Variants in MLLT3 observed in about 807,000 individuals in gnomAD.
MLLT3 encodes MLLT3 super elongation complex subunit.
A neutral mutation model predicts 53.2 loss-of-function variants in MLLT3; 4 were observed. The ratio of observed to expected loss-of-function variants is 0.08; its 90% CI spans 0.04 to 0.17. The LOEUF is 0.17. Ranked by LOEUF, MLLT3 falls within the 10% of genes least tolerant of loss-of-function variation. MLLT3 has a pLI of 1.00. For synonymous variants in MLLT3, 283 were observed against 230.6 expected (o/e 1.23, Z -2.06); for missense variants, 569 against 684.0 (o/e 0.83, Z 1.87).
At position 20,620,927 on chromosome 9, in the gene MLLT3, G is replaced by A; in HGVS notation, c.13-93C>T. On this transcript the variant is annotated intron_variant, in intron 1 of 10. Coordinates refer to ENST00000380338, the MANE Select transcript of MLLT3 (RefSeq NM_004529.4). This position sits in a 1 kb window ranked among gnomAD's most constrained non-coding sequence, Gnocchi z 6.1. ...GCCTGACATTTTTTTCCTCCTTCTT[G>A]AAACGCACATAAAAGGAAACGGCGG... 1 of 1,370,036 alleles carries A rather than the reference G, an allele frequency of 7.3e-7. No homozygotes were observed. Among genetic ancestry groups the A allele is most frequent in the Non-Finnish European group, 1.0e-6 (1 of 979,234 alleles). The allele number at this position is 1,370,036 out of a possible 1,614,324, so 84.9% of individuals were successfully genotyped here.
intron 2 of MLLT3, among the ~76,000 whole-genome samples, chr9:20,502,089 A>T (rs928037263): frequency 1.7e-5 from 2 of 120,696 alleles, no homozygotes; most frequent in Non-Finnish European, 3.8e-5. Flanking sequence ...CTCAAAAAAA[A>T]AAAAGGGGGG....
At chr9:20,433,229 G>C (rs1357014780) in intron 4 of MLLT3, among the ~76,000 whole-genome samples, 1 of 152,074 alleles carries the variant, frequency 6.6e-6, no homozygotes, top group African/African-American at 2.4e-5. Flanking sequence ...AAATGAACTT[G>C]ACATATCTTT....
intron 2 of MLLT3, among the ~76,000 whole-genome samples, chr9:20,501,809 G>T (rs1479036262): frequency 6.7e-6 from 1 of 149,202 alleles, no homozygotes; most frequent in African/African-American, 2.5e-5. Flanking sequence ...GGTCAGGCGA[G>T]GTGGCTCAGA....
At chr9:20,597,942 G>C (rs1404455692) in intron 2 of MLLT3, among the ~76,000 whole-genome samples, 1 of 152,080 alleles carries the variant, frequency 6.6e-6, no homozygotes, top group Non-Finnish European at 1.5e-5. Flanking sequence ...AAATCAACCA[G>C]GTCCTGTTTC....
chr9:20,522,648 G>A (rs1818092566), intron 2 of MLLT3, among the ~76,000 whole-genome samples: 1 of 150,112 alleles, frequency 6.7e-6, no homozygotes, highest in Non-Finnish European at 1.5e-5. Flanking sequence ...AGAAAGAGTA[G>A]AGAAGAAAAT....
rs2118576521 is a variant in MLLT3, at chr9:20,345,245, CAAGTT to C, written c.*1193_*1197del. On this transcript the variant is annotated 3_prime_UTR_variant, in exon 11 of 11. Coordinates refer to ENST00000380338, the MANE Select transcript of MLLT3 (RefSeq NM_004529.4). ...AACAGGTATTGAACCACTGAATCTA[CAAGTT>C]AATACATAATCTGTTATGGCAGAAT... 1 of 220,228 alleles carries C rather than the reference CAAGTT, an allele frequency of 4.5e-6. No homozygotes were observed. The highest frequency in any genetic ancestry group is 1.8e-4 in the South Asian group (1 of 5,406). The allele number at this position is 220,228 out of a possible 1,614,324, so 13.6% of individuals were successfully genotyped here.
At chr9:20,581,449 T>A (rs1377169521) in intron 2 of MLLT3, among the ~76,000 whole-genome samples, 1 of 152,102 alleles carries the variant, frequency 6.6e-6, no homozygotes, top group Non-Finnish European at 1.5e-5. Flanking sequence ...AAATCAGGAG[T>A]TCTAAGAGGC....
chr9:20,537,418 C>A (rs1818516554), intron 2 of MLLT3, among the ~76,000 whole-genome samples: 1 of 152,118 alleles, frequency 6.6e-6, no homozygotes, highest in Admixed American at 6.6e-5. Flanking sequence ...GCTTTCTTAT[C>A]TGAAGAATGT....
Position 20,341,773 on chromosome 9 carries a change from T to C in MLLT3, c.*4670A>G, listed in dbSNP as rs1383039158. 2 of 196,146 alleles carry C rather than the reference T, an allele frequency of 1.0e-5. No individual in the cohort carries two copies. Among genetic ancestry groups the C allele is most frequent in the Non-Finnish European group, 2.1e-5 (2 of 94,724 alleles). The allele number at this position is 196,146 out of a possible 1,614,324, so 12.2% of individuals were successfully genotyped here. A position where few individuals can be genotyped will look rare whatever the true frequency, so the allele number is the denominator to read the frequency against. On this transcript the variant is annotated 3_prime_UTR_variant, in exon 11 of 11. Coordinates refer to ENST00000380338, the MANE Select transcript of MLLT3 (RefSeq NM_004529.4). The stretch of plus-strand genomic sequence containing the variant: ...TTGCTGTGAAAGTAAATGCAGGGAC[T>C]TTGTAAGATCGACTCTCTCTGGCTA...
intron 2 of MLLT3, among the ~76,000 whole-genome samples, chr9:20,523,818 A>C (rs1818128129): frequency 6.6e-6 from 1 of 152,112 alleles, no homozygotes; most frequent in Non-Finnish European, 1.5e-5. Context: ...AAAAAATACA[A>C]AAATTTGCCA....
At chr9:20,403,397 A>C (rs937328698) in intron 5 of MLLT3, among the ~76,000 whole-genome samples, 4 of 152,224 alleles carry the variant, frequency 2.6e-5, no homozygotes, top group African/African-American at 9.6e-5. Context: ...GGCCCAATGA[A>C]GATAAAGAGA....
At chr9:20,465,140 T>G (rs1286831464) in intron 2 of MLLT3, among the ~76,000 whole-genome samples, 1 of 151,860 alleles carries the variant, frequency 6.6e-6, no homozygotes, top group Non-Finnish European at 1.5e-5. Flanking sequence ...TTGAGTGCAA[T>G]TTAAGAAAAG....
At chr9:20,594,664 G>GCTT (rs1820209990) in intron 2 of MLLT3, among the ~76,000 whole-genome samples, 2 of 152,134 alleles carry the variant, frequency 1.3e-5, no homozygotes. Flanking sequence ...AACAGACTGA[G>GCTT]GTAAAGAAGT....
At chr9:20,481,998 C>A (rs553383096) in intron 2 of MLLT3, among the ~76,000 whole-genome samples, 1 of 152,284 alleles carries the variant, frequency 6.6e-6, no homozygotes, top group East Asian at 1.9e-4. Flanking sequence ...AAATGTACTT[C>A]GAACTCAAGA....
chr9:20,494,874 T>C (rs1253575355), intron 2 of MLLT3, among the ~76,000 whole-genome samples: 3 of 152,210 alleles, frequency 2.0e-5, no homozygotes, highest in Non-Finnish European at 2.9e-5. Flanking sequence ...AGGTACCAAA[T>C]GGATCTTCCC....
chr9:20,459,564 A>C (rs1298364592), intron 2 of MLLT3, among the ~76,000 whole-genome samples: 1 of 152,200 alleles, frequency 6.6e-6, no homozygotes, highest in Non-Finnish European at 1.5e-5. Flanking sequence ...ATTGGAAGGT[A>C]GTTTATTTTG....
intron 2 of MLLT3, among the ~76,000 whole-genome samples, chr9:20,486,574 T>A (rs921625701): frequency 6.6e-6 from 1 of 152,176 alleles, no homozygotes; most frequent in Non-Finnish European, 1.5e-5. Flanking sequence ...TGAAATGATA[T>A]TCCACCTCAC....
chr9:20,548,275 G>C (rs552618317), intron 2 of MLLT3, among the ~76,000 whole-genome samples: 2 of 152,312 alleles, frequency 1.3e-5, no homozygotes, highest in East Asian at 1.9e-4. Flanking sequence ...ACAGGAAAAA[G>C]CATCTATCTC....
intron 2 of MLLT3, among the ~76,000 whole-genome samples, chr9:20,594,078 T>A (rs1183003142): frequency 6.6e-6 from 1 of 151,782 alleles, no homozygotes; most frequent in African/African-American, 2.4e-5. Flanking sequence ...TTAGCTGGGA[T>A]TACAGACACC....
Sources: gnomAD v4.1 joint callset for allele counts (sites outside exome capture counted in the v4.1 genomes callset) on GRCh38, gnomAD v4.1.1 for gene constraint, Gnocchi (gnomAD v3.1) non-coding constraint, MANE v1.5 for transcripts, NCBI Gene and HGNC (gene_info 2026-07-23, HGNC 2026-07-21) for gene names.